ADGRF5: variants seen among roughly 807,000 people sequenced by gnomAD.
ADGRF5 encodes the protein G-protein coupled receptor 116.
A neutral mutation model predicts 132.3 loss-of-function variants in ADGRF5; 75 were observed. That is an observed-to-expected ratio of 0.57 (90% CI 0.47 to 0.69). The LOEUF is 0.69. Ranked by LOEUF, ADGRF5 falls within the 30% of genes least tolerant of loss-of-function variation. ADGRF5 has a pLI of 0.00. For synonymous variants in ADGRF5, 629 were observed against 597.6 expected, an observed-to-expected ratio of 1.05 and a Z score of -0.77; for missense variants, 1,516 against 1,630.6, an observed-to-expected ratio of 0.93 and a Z score of 1.21.
intron 1 of ADGRF5, among the ~76,000 whole-genome samples, chr6:46,919,088 G>A (rs1328358544): frequency 6.6e-6 from 1 of 152,226 alleles, no homozygotes; most frequent in Admixed American, 6.5e-5. Flanking sequence ...GCAGGTGATA[G>A]AACTTGCTAA....
chr6:46,877,886 T>A (rs954637520), intron 10 of ADGRF5, among the ~76,000 whole-genome samples: 6 of 152,186 alleles, frequency 3.9e-5, no homozygotes, highest in African/African-American at 1.4e-4. Flanking sequence ...GAAAGGAAGG[T>A]GAGCACAAGC....
intron 17 of ADGRF5, 24 bp from the exon 18 acceptor site, chr6:46,856,932 A>C: frequency 6.3e-7 from 1 of 1,578,310 alleles, no homozygotes; most frequent in Non-Finnish European, 8.7e-7. Flanking sequence ...GATTGAAAAG[A>C]AGTGCATTTT....
At chr6:46,923,843 G>A (rs1027868710), upstream of ADGRF5, among the ~76,000 whole-genome samples, 1 of 152,218 alleles carries the variant, frequency 6.6e-6, no homozygotes, top group African/African-American at 2.4e-5. Context: ...TGTGGATGGA[G>A]AGACCCTGCC....
At chr6:46,875,708 C>T (rs1222783963) in intron 10 of ADGRF5, among the ~76,000 whole-genome samples, 3 of 152,032 alleles carry the variant, frequency 2.0e-5, no homozygotes, top group Non-Finnish European at 2.9e-5. Context: ...ACCCCAGGAG[C>T]GGAGGTTGCA....
rs1288034595 is a variant in ADGRF5, at chr6:46,886,812, C to T, written c.328+1523G>A. 4 of 152,296 alleles carry T rather than the reference C, an allele frequency of 2.6e-5. No individual in the cohort carries two copies. In the East Asian group the frequency reaches 5.8e-4, roughly 22 times the overall value. 9.4% of individuals were successfully genotyped at this position (152,296 alleles called of 1,614,324 possible). A position where few individuals can be genotyped will look rare whatever the true frequency, so the allele number is the denominator to read the frequency against. ...TTTAGGCCAACTCCTCTTAGCTGTT[C>T]CCTGCTGGTCCTGAGGTCCATGAGC... On this transcript the variant is annotated intron_variant, in intron 4 of 20. Transcript: ENST00000283296.
intron 13 of ADGRF5, 86 bp from the exon 14 acceptor site, chr6:46,865,283 C>G (rs1581752756): frequency 1.1e-6 from 1 of 909,568 alleles, no homozygotes; most frequent in South Asian, 1.6e-5. Flanking sequence ...TATGAATAAA[C>G]CTGTCCAAGC....
At position 46,865,187 on chromosome 6, in the gene ADGRF5, A is replaced by C. The variant is rs772181932; in HGVS notation, c.1845T>G (p.Val615=). 2.2e-5 allele frequency: 36 copies of C among 1,609,128 alleles called. No homozygotes were observed. Among genetic ancestry groups the C allele is most frequent in the Non-Finnish European group, 2.7e-5 (32 of 1,177,384 alleles). Residue 615 remains valine, a synonymous_variant, in exon 14 of 21, where the codon GTT becomes GTG. Coordinates refer to ENST00000283296, the MANE Select transcript of ADGRF5 (RefSeq NM_001098518.2). ...GTTTGTAGCACACTTGTTTTTTGTT[A>C]ACTTCTTTTGCTGAAGACAGAATTA... is the stretch of plus-strand genomic sequence containing the variant. ...GSSSLPAAKE[V]NKKQVCYKHN... is the part of the protein sequence containing the mutation.
intron 1 of ADGRF5, among the ~76,000 whole-genome samples, chr6:46,919,895 C>T (rs1287922660): frequency 2.0e-5 from 3 of 152,212 alleles, no homozygotes; most frequent in Admixed American, 6.5e-5. Flanking sequence ...AGGCTCTCTC[C>T]ATAAGCTGTA....
At position 46,881,463 on chromosome 6, in the gene ADGRF5, A is replaced by G. The variant is rs1772454975; in HGVS notation, c.806T>C (p.Val269Ala). ...TAAACAATTTCACTTACTGATAGTA[A>G]CTGCTTGAAAGGAGTTGTAGTCCAT... ...YKMDYNSFQA[V>A]TINESNFFVT... The change falls in exon 8 of 21, where the codon GTT becomes GCT. Residue 269 changes from valine to alanine, a missense_variant. Physicochemically the swap from Val to Ala is moderately conservative, Grantham distance 64. This residue lies in a region of ADGRF5 where 945 missense variants were observed against 929.4 expected (regional missense o/e 1.02). Coordinates refer to ENST00000283296, the MANE Select transcript of ADGRF5 (RefSeq NM_001098518.2). The G allele has an allele frequency of 6.2e-7, 1 of 1,613,126 alleles. No individual in the cohort carries two copies. The highest frequency in any genetic ancestry group is 2.2e-5 in the East Asian group (1 of 44,874).
chr6:46,941,457 AAAAGAAAAG>A (rs1301098356), intron 1 of ADGRF5, among the ~76,000 whole-genome samples: 677 of 42,470 alleles, frequency 0.016, 5 homozygotes, highest in Middle Eastern at 0.037. Context: ...AAAAGAAAAG[AAAAGAAAAG>A]AAAGAAAAGA....
chr6:46,941,457 A>AAAAGAAAAGAAAAG (rs1778079417), intron 1 of ADGRF5, among the ~76,000 whole-genome samples: 1 of 42,678 alleles, frequency 2.3e-5, no homozygotes, highest in African/African-American at 7.3e-5. Flanking sequence ...AAAAGAAAAG[A>AAAAGAAAAGAAAAG]AAAGAAAAGA....
At chr6:46,877,273 TTC>T (rs1354370788) in intron 10 of ADGRF5, among the ~76,000 whole-genome samples, 2 of 42,338 alleles carry the variant, frequency 4.7e-5, no homozygotes, top group Admixed American at 1.9e-4. Flanking sequence ...CTTTCTTTCT[TTC>T]TTTCTTTCTT....
Position 46,941,778 on chromosome 6 carries a change from C to T in ADGRF5, c.-25+12956G>A, listed in dbSNP as rs550042325. 7.9e-5 allele frequency among the ~76,000 whole-genome samples: 12 copies of T among 152,190 alleles called. No homozygotes were observed. The South Asian group carries it at 2.5e-3, about 32-fold the overall frequency. On this transcript the variant is annotated intron_variant, in intron 1 of 20. Transcript: ENST00000265417. The stretch of plus-strand genomic sequence containing the variant: ...TGGCAGATAGATGGGCTGCTAGGTT[C>T]ATCTGTGGGCCATCTCTTCTCTCCC...
Position 46,872,014 on chromosome 6 carries a change from C to T in ADGRF5, c.1241-1G>A. The T allele has an allele frequency of 6.3e-7, 1 of 1,578,490 alleles. No individual in the cohort carries two copies. Among genetic ancestry groups the T allele is most frequent in the Non-Finnish European group, 8.7e-7 (1 of 1,155,312 alleles). ...GAATCTATGTCTGTCTCAGGGGTTCCTATAATGAGAAGCAAATTGTTGCCA... is the reference window on the plus strand; with the variant it reads ...GAATCTATGTCTGTCTCAGGGGTTCTTATAATGAGAAGCAAATTGTTGCCA... On this transcript the variant is annotated splice_acceptor_variant, in intron 10 of 20. Coordinates refer to ENST00000283296, the MANE Select transcript of ADGRF5 (RefSeq NM_001098518.2). LOFTEE classifies it high-confidence loss of function.
intron 1 of ADGRF5, among the ~76,000 whole-genome samples, chr6:46,930,606 A>G (rs145649259): frequency 9.0e-4 from 137 of 152,324 alleles, no homozygotes; most frequent in African/African-American, 3.2e-3. Flanking sequence ...CATTCTGCCA[A>G]TTATCAGTGG....
chr6:46,934,154 G>A lies in ADGRF5; in HGVS notation c.-25+20580C>T, dbSNP rs192456209. Among the ~76,000 whole-genome samples the A allele has an allele frequency of 3.2e-3, 491 of 152,098 alleles. 2 individuals carry two copies. The highest frequency in any genetic ancestry group is 0.02 in the Middle Eastern group (6 of 294). ...TGGGCAATCTTATGAGTGACCTCTT[G>A]CCCCTGAGTCACCCGAATCCACTAA... On this transcript the variant is annotated intron_variant, in intron 1 of 20. Transcript: ENST00000265417.
intron 8 of ADGRF5, 76 bp downstream of exon 8, chr6:46,881,379 A>T: frequency 1.5e-6 from 2 of 1,297,926 alleles, no homozygotes; most frequent in Non-Finnish European, 2.2e-6. Context: ...CCCAGAGGAC[A>T]TTGTAGCATA....
At chr6:46,929,599 G>A (rs549674468) in intron 1 of ADGRF5, among the ~76,000 whole-genome samples, 60 of 151,486 alleles carry the variant, frequency 4.0e-4, no homozygotes, top group Middle Eastern at 3.4e-3. Flanking sequence ...CACAGGTACA[G>A]GTGGGGTAGT....
intron 1 of ADGRF5, among the ~76,000 whole-genome samples, chr6:46,953,911 G>A (rs930290727): frequency 1.3e-5 from 2 of 151,822 alleles, no homozygotes; most frequent in Non-Finnish European, 2.9e-5. Context: ...TTCTCTTAGA[G>A]TAAAGGCTGG....
Sources: allele counts gnomAD v4.1 joint callset (sites outside exome capture counted in the v4.1 genomes callset), GRCh38; gene constraint gnomAD v4.1.1; regional missense constraint gnomAD v4.1.1; transcripts MANE v1.5; gene names NCBI Gene and HGNC (gene_info 2026-07-23, HGNC 2026-07-21).